The following FBXL17 variants were observed in gnomAD, a reference collection of about 807,000 sequenced individuals.
FBXL17 encodes F-box and leucine rich repeat protein 17, also known as F-box/LRR-repeat protein 17.
In FBXL17, 22 loss-of-function variants were observed where a neutral mutation model predicts 66.2. That is an observed-to-expected ratio of 0.33 (90% confidence interval 0.24 to 0.47). FBXL17 has a LOEUF of 0.47. FBXL17 is among the 20% of genes least tolerant of loss of function. FBXL17 has a pLI of 1.00. For synonymous variants in FBXL17, 474 were observed against 400.5 expected (o/e 1.18, Z -2.19); for missense variants, 878 against 948.2 (o/e 0.93, Z 0.97).
chr5:108,379,360 T>C (rs1580933858), intron 1 of FBXL17, among the ~76,000 whole-genome samples: 1 of 152,148 alleles, frequency 6.6e-6, no homozygotes, highest in African/African-American at 2.4e-5. Context: ...GTTCCCTTTG[T>C]CCTAAAATGC....
chr5:107,990,761 C>A (rs1471318725), intron 7 of FBXL17, among the ~76,000 whole-genome samples: 1 of 152,074 alleles, frequency 6.6e-6, no homozygotes, highest in East Asian at 1.9e-4. Context: ...ACAGAAGATG[C>A]AAACAGAAAC....
chr5:108,298,564 G>T, intron 4 of FBXL17: 2 of 959,642 alleles, frequency 2.1e-6, no homozygotes, highest in Non-Finnish European at 2.5e-6. Flanking sequence ...AATTCAGTCT[G>T]AGAGATGGGA....
At chr5:108,341,093 A>C (rs756331887) in intron 4 of FBXL17, among the ~76,000 whole-genome samples, 7 of 152,306 alleles carry the variant, frequency 4.6e-5, no homozygotes, top group African/African-American at 7.2e-5. Flanking sequence ...AAAACAGTAG[A>C]AGCAATGTAA....
chr5:108,049,060 T>TCA (rs1747370130), intron 6 of FBXL17, among the ~76,000 whole-genome samples: 1 of 152,008 alleles, frequency 6.6e-6, no homozygotes, highest in South Asian at 2.1e-4. Flanking sequence ...AAAGCCCAGG[T>TCA]CACCTACAAA....
chr5:107,966,491 T>C (rs755555981), intron 7 of FBXL17, among the ~76,000 whole-genome samples: 3 of 152,114 alleles, frequency 2.0e-5, no homozygotes, highest in Non-Finnish European at 4.4e-5. Context: ...CAGTTGTAAC[T>C]TACACATACT....
At chr5:108,246,667 T>C (rs747199358) in intron 4 of FBXL17, among the ~76,000 whole-genome samples, 2 of 152,240 alleles carry the variant, frequency 1.3e-5, no homozygotes, top group Non-Finnish European at 2.9e-5. Context: ...AGAATTGCCA[T>C]AGGGCATCTC....
intron 4 of FBXL17, among the ~76,000 whole-genome samples, chr5:108,346,617 G>C (rs1408349226): frequency 6.6e-6 from 1 of 152,054 alleles, no homozygotes; most frequent in Non-Finnish European, 1.5e-5. Context: ...TGGATGTAAA[G>C]TGAAAACCAA....
At chr5:107,917,012 T>C (rs993613420) in intron 7 of FBXL17, among the ~76,000 whole-genome samples, 7 of 152,336 alleles carry the variant, frequency 4.6e-5, no homozygotes, top group African/African-American at 1.7e-4. Flanking sequence ...TCATAGCCTG[T>C]CAGTATATTT....
At chr5:107,862,966 T>G (rs1748168547) in intron 8 of FBXL17, among the ~76,000 whole-genome samples, 1 of 151,498 alleles carries the variant, frequency 6.6e-6, no homozygotes, top group African/African-American at 2.4e-5. Flanking sequence ...TATTGAGAGT[T>G]GATATTTCAA....
chr5:108,214,110 T>C lies in FBXL17; in HGVS notation c.1614+10011A>G, dbSNP rs574271797. On this transcript the variant is annotated intron_variant, in intron 5 of 8. Transcript: ENST00000542267. ...CTTTTATAACAACATATTGTTATAA[T>C]TGTTCTATTTTATTATTAGTTATTG... Among the ~76,000 whole-genome samples, 9 of 152,270 alleles carry C rather than the reference T, an allele frequency of 5.9e-5. No homozygotes were observed. In the South Asian group the frequency reaches 1.7e-3, roughly 28 times the overall value.
At chr5:108,076,963 C>A (rs925731987) in intron 6 of FBXL17, among the ~76,000 whole-genome samples, 2 of 152,216 alleles carry the variant, frequency 1.3e-5, no homozygotes, top group East Asian at 1.9e-4. Flanking sequence ...CTTGGAAAGA[C>A]TGGTCTGGTG....
At chr5:108,215,384 C>CT (rs1260237653) in intron 5 of FBXL17, among the ~76,000 whole-genome samples, 3 of 152,286 alleles carry the variant, frequency 2.0e-5, no homozygotes, top group African/African-American at 7.2e-5. Flanking sequence ...CTGTTGTCCA[C>CT]TTTTTTTATT....
At chr5:108,208,763 C>T (rs1379979595) in intron 5 of FBXL17, among the ~76,000 whole-genome samples, 2 of 152,130 alleles carry the variant, frequency 1.3e-5, no homozygotes, top group Non-Finnish European at 2.9e-5. Flanking sequence ...CAGCTTTGTT[C>T]TTCTTGCACA....
chr5:107,931,985 C>T (rs929078377), intron 7 of FBXL17, among the ~76,000 whole-genome samples: 9 of 152,168 alleles, frequency 5.9e-5, no homozygotes, highest in African/African-American at 2.2e-4. Context: ...GTACAGATTC[C>T]TGAATCCCAC....
At chr5:108,169,052 T>A (rs1007409093) in intron 6 of FBXL17, among the ~76,000 whole-genome samples, 19 of 152,184 alleles carry the variant, frequency 1.2e-4, no homozygotes, top group Non-Finnish European at 2.4e-4. Context: ...GCAGCAGCAA[T>A]GTCTGCGTGG....
chr5:108,150,669 T>G (rs1751735389), intron 6 of FBXL17, among the ~76,000 whole-genome samples: 1 of 152,238 alleles, frequency 6.6e-6, no homozygotes, highest in South Asian at 2.1e-4. Context: ...AATCTTGATT[T>G]GTCTGATTGC....
chr5:108,043,818 C>T (rs1006333405), intron 6 of FBXL17, among the ~76,000 whole-genome samples: 6 of 152,152 alleles, frequency 3.9e-5, no homozygotes, highest in Non-Finnish European at 5.9e-5. Flanking sequence ...TTACATGTCT[C>T]CTATGTGGCT....
At chr5:108,139,102 G>A (rs566475684) in intron 6 of FBXL17, among the ~76,000 whole-genome samples, 2 of 152,288 alleles carry the variant, frequency 1.3e-5, no homozygotes, top group South Asian at 4.1e-4. Flanking sequence ...GCACAAAGTA[G>A]GCACTGGAAG....
chr5:108,067,849 T>G (rs1277761849), intron 6 of FBXL17, among the ~76,000 whole-genome samples: 1 of 152,196 alleles, frequency 6.6e-6, no homozygotes, highest in East Asian at 1.9e-4. Context: ...TATTTGTCAC[T>G]CCCTGTTGAA....
Sources: gnomAD v4.1 joint callset for allele counts (sites outside exome capture counted in the v4.1 genomes callset) on GRCh38, gnomAD v4.1.1 for gene constraint, MANE v1.5 for transcripts, NCBI Gene and HGNC (gene_info 2026-07-23, HGNC 2026-07-21) for gene names.